CLMN: variants seen among roughly 807,000 people sequenced by gnomAD.
CLMN encodes calmin (calponin-like, transmembrane).
Under a neutral mutation model 92.7 loss-of-function variants are expected in CLMN, and 57 were observed. The observed-to-expected ratio is 0.61, with a 90% CI of 0.50 to 0.77. The LOEUF (loss-of-function observed/expected upper bound fraction) is 0.77, where lower values mean the gene tolerates loss of function less well. Among genes scored for constraint, CLMN ranks in the 30% least tolerant of loss-of-function variants. The pLI is 0.00. For synonymous variants in CLMN, 466 were observed against 470.6 expected, an observed-to-expected ratio of 0.99 and a Z score of 0.13; for missense variants, 1,158 against 1,237.5, an observed-to-expected ratio of 0.94 and a Z score of 0.96.
At chr14:95,252,629 C>G (rs533465546) in intron 1 of CLMN, among the ~76,000 whole-genome samples, 1 of 152,240 alleles carries the variant, frequency 6.6e-6, no homozygotes, top group South Asian at 2.1e-4. Context: ...GGGGACTGGC[C>G]GCCAATCCAG....
At chr14:95,263,546 A>G (rs913124705) in intron 1 of CLMN, among the ~76,000 whole-genome samples, 5 of 152,308 alleles carry the variant, frequency 3.3e-5, no homozygotes, top group Admixed American at 3.3e-4. Context: ...GTGACCCAGG[A>G]AAAGGAGCGG....
rs1364275036 is a variant in CLMN, at chr14:95,189,145, T to C, written c.*2419A>G. On this transcript the variant is annotated 3_prime_UTR_variant, in exon 13 of 13. Transcript: ENST00000298912. ...TAGAAATGTACTAAATGATGTGATC[T>C]AGCTATACTGGAAAACCAAAGCACG... The C allele has an allele frequency of 2.6e-5, 4 of 152,192 alleles. No homozygotes were observed. Among genetic ancestry groups the C allele is most frequent in the African/African-American group, 9.7e-5 (4 of 41,446 alleles). The allele number at this position is 152,192 out of a possible 1,614,324, so 9.4% of individuals were successfully genotyped here.
chr14:95,248,367 C>T (rs368453885), intron 1 of CLMN, among the ~76,000 whole-genome samples: 118 of 152,286 alleles, frequency 7.7e-4, no homozygotes, highest in African/African-American at 2.7e-3. Context: ...GACCTTGACT[C>T]AAATATTTCT....
chr14:95,224,821 G>T (rs1236251610), intron 2 of CLMN, among the ~76,000 whole-genome samples: 1 of 152,204 alleles, frequency 6.6e-6, no homozygotes, highest in Admixed American at 6.5e-5. Context: ...CTTCAAGTGT[G>T]CCCTCCTGAG....
chr14:95,251,347 A>C (rs1019004068), intron 1 of CLMN, among the ~76,000 whole-genome samples: 2 of 152,346 alleles, frequency 1.3e-5, no homozygotes, highest in Admixed American at 1.3e-4. Context: ...CTATAAAATC[A>C]GAGATGTAGT....
intron 1 of CLMN, among the ~76,000 whole-genome samples, chr14:95,297,070 T>C (rs1247187813): frequency 4.6e-5 from 7 of 152,136 alleles, no homozygotes; most frequent in African/African-American, 7.2e-5. Context: ...AGGGCAGCCA[T>C]TGGACTCCTA....
intron 2 of CLMN, among the ~76,000 whole-genome samples, chr14:95,229,481 A>G (rs944463336): frequency 3.9e-5 from 6 of 152,300 alleles, no homozygotes; most frequent in East Asian, 3.9e-4. Flanking sequence ...GAAGCCATGG[A>G]AAGTTCAGGA....
chr14:95,207,399 T>C (rs1897075980), intron 8 of CLMN, among the ~76,000 whole-genome samples: 1 of 152,222 alleles, frequency 6.6e-6, no homozygotes, highest in African/African-American at 2.4e-5. Flanking sequence ...GGATTATAAA[T>C]GTGAGCCACT....
intron 1 of CLMN, among the ~76,000 whole-genome samples, chr14:95,252,252 C>T (rs1001590669): frequency 2.6e-5 from 4 of 152,218 alleles, no homozygotes; most frequent in African/African-American, 9.7e-5. Flanking sequence ...CTGGCCTCGA[C>T]CATTTACCAG....
rs1013109346 is a variant in CLMN, at chr14:95,185,529, C to T, written c.*6035G>A. The T allele has an allele frequency of 1.3e-5, 2 of 152,276 alleles. No individual in the cohort carries two copies. The highest frequency in any genetic ancestry group is 2.4e-5 in the African/African-American group (1 of 41,420). The allele number at this position is 152,276 out of a possible 1,614,324, so 9.4% of individuals were successfully genotyped here. A position where few individuals can be genotyped will look rare whatever the true frequency, so the allele number is the denominator to read the frequency against. On this transcript the variant is annotated 3_prime_UTR_variant, in exon 13 of 13. Transcript: ENST00000298912. ...CCAGATGGCAGCTGCTGGCCCAAGA[C>T]GTTAAATCTTCCCCAAATGCTGTGT...
chr14:95,194,235 T>C lies in CLMN; in HGVS notation c.2769+301A>G. ...CGGACCTTGACTCATGTTGCACCTC[T>C]GTCTCTGAACGTGATCCTTCTGGGT... On this transcript the variant is annotated intron_variant, in intron 11 of 12. Coordinates refer to ENST00000298912, the MANE Select transcript of CLMN (RefSeq NM_024734.4). The surrounding 1 kb of genome is among the most constrained non-coding windows in gnomAD (Gnocchi z 4.0). The C allele has an allele frequency of 7.2e-7, 1 of 1,391,338 alleles. No homozygotes were observed. Among genetic ancestry groups the C allele is most frequent in the South Asian group, 1.6e-5 (1 of 61,404 alleles). 86.2% of individuals were successfully genotyped at this position (1,391,338 alleles called of 1,614,324 possible).
chr14:95,266,088 C>T (rs149456169), intron 1 of CLMN, among the ~76,000 whole-genome samples: 26 of 152,298 alleles, frequency 1.7e-4, no homozygotes, highest in African/African-American at 5.8e-4. Context: ...TTTACAAATG[C>T]GTATCTAAAA....
intron 1 of CLMN, among the ~76,000 whole-genome samples, chr14:95,300,313 G>C (rs1900992409): frequency 6.6e-6 from 1 of 152,202 alleles, no homozygotes. Context: ...CAACTCTGTG[G>C]GCTGGTGTCA....
chr14:95,310,912 C>T (rs1476009991), intron 1 of CLMN, among the ~76,000 whole-genome samples: 1 of 152,224 alleles, frequency 6.6e-6, no homozygotes, highest in Non-Finnish European at 1.5e-5. Flanking sequence ...GCAGAGCACA[C>T]AGCAGCACTT....
intron 4 of CLMN, among the ~76,000 whole-genome samples, chr14:95,216,863 C>G (rs924152938): frequency 6.6e-6 from 1 of 152,202 alleles, no homozygotes; most frequent in Non-Finnish European, 1.5e-5. Flanking sequence ...AATGCTCATT[C>G]TCCCCTATGT....
chr14:95,245,191 TA>T (rs1566890680), intron 1 of CLMN, among the ~76,000 whole-genome samples: 5,038 of 38,044 alleles, frequency 0.13, 522 homozygotes, highest in East Asian at 0.16. Flanking sequence ...TATATATATA[TA>T]TAATATATAT....
rs537951086 is a variant in CLMN, at chr14:95,183,116, C to G, written c.*8448G>C. On this transcript the variant is annotated 3_prime_UTR_variant, in exon 13 of 13. Transcript: ENST00000298912. ...AAAGGACTTTTAAAAGAAGTCTTCC[C>G]ACTTCCAACCCAGAGAGGTAAATTC... is the stretch of plus-strand genomic sequence containing the variant. The G allele has an allele frequency of 6.6e-6, 1 of 152,232 alleles. No individual in the cohort carries two copies. Among genetic ancestry groups the G allele is most frequent in the Non-Finnish European group, 1.5e-5 (1 of 68,044 alleles). The allele number at this position is 152,232 out of a possible 1,614,324, so 9.4% of individuals were successfully genotyped here. A position where few individuals can be genotyped will look rare whatever the true frequency, so the allele number is the denominator to read the frequency against.
intron 1 of CLMN, among the ~76,000 whole-genome samples, chr14:95,265,955 G>A (rs1267839200): frequency 2.0e-5 from 3 of 152,142 alleles, no homozygotes; most frequent in Non-Finnish European, 4.4e-5. Context: ...TCTCACACAC[G>A]GGCCACTGGA....
In CLMN at chr14:95,240,043, T is replaced by C. The variant is rs558062884; in HGVS notation, c.83-9910A>G. 5.3e-5 allele frequency among the ~76,000 whole-genome samples: 8 copies of C among 152,358 alleles called. No homozygotes were observed. The East Asian group carries it at 1.5e-3, about 29-fold the overall frequency. On this transcript the variant is annotated intron_variant, in intron 1 of 12. Transcript: ENST00000298912. Reference sequence around the variant, plus strand: ...CAGTATTCAGTACAGTAACAAGCTATACAGGAGTCTAGGAGCAATAGGCTG... The same window carrying C: ...CAGTATTCAGTACAGTAACAAGCTACACAGGAGTCTAGGAGCAATAGGCTG...
Sources: gnomAD v4.1 joint callset for allele counts (sites outside exome capture counted in the v4.1 genomes callset) on GRCh38, gnomAD v4.1.1 for gene constraint, Gnocchi (gnomAD v3.1) non-coding constraint, MANE v1.5 for transcripts, NCBI Gene and HGNC (gene_info 2026-07-23, HGNC 2026-07-21) for gene names.